The following TYR variants were observed in gnomAD, a reference collection of about 807,000 sequenced individuals.
TYR encodes LB24-AB.
A neutral mutation model predicts 51.5 loss-of-function variants in TYR; 58 were observed. The observed-to-expected ratio is 1.13, with a 90% CI of 0.91 to 1.40. The LOEUF is 1.40. Among genes scored for constraint, TYR ranks in the 40% most tolerant of loss-of-function variants. The pLI is 0.00. For missense variants in TYR, 732 were observed against 647.4 expected (o/e 1.13, Z -1.42); for synonymous variants, 263 against 235.2 (o/e 1.12, Z -1.08).
intron 3 of TYR, among the ~76,000 whole-genome samples, chr11:89,237,988 A>C (rs1944140957): frequency 6.6e-6 from 1 of 151,882 alleles, no homozygotes; most frequent in Non-Finnish European, 1.5e-5. Context: ...GGCACACACC[A>C]CCATATCTGG....
chr11:89,215,493 C>T (rs887741720), intron 2 of TYR, among the ~76,000 whole-genome samples: 6 of 151,756 alleles, frequency 4.0e-5, no homozygotes, highest in African/African-American at 1.5e-4. Context: ...TCATTGTGTA[C>T]ATCTACCCTA....
chr11:89,269,603 C>A (rs773238056), intron 3 of TYR, among the ~76,000 whole-genome samples: 2 of 151,862 alleles, frequency 1.3e-5, no homozygotes, highest in Admixed American at 6.6e-5. Context: ...ATTTTAACTG[C>A]CTTACTGATT....
intron 3 of TYR, among the ~76,000 whole-genome samples, chr11:89,242,909 C>T (rs1944217753): frequency 6.6e-6 from 1 of 152,190 alleles, no homozygotes; most frequent in Non-Finnish European, 1.5e-5. Flanking sequence ...TCAGAGAGAC[C>T]TCGACTGAGA....
chr11:89,243,568 T>G (rs1452576502), intron 3 of TYR, among the ~76,000 whole-genome samples: 2 of 152,208 alleles, frequency 1.3e-5, no homozygotes, highest in African/African-American at 4.8e-5. Context: ...CCTAGCAAGA[T>G]CTTGAATTAT....
chr11:89,187,903 A>C (rs950521029), intron 1 of TYR, among the ~76,000 whole-genome samples: 9 of 151,834 alleles, frequency 5.9e-5, no homozygotes, highest in Non-Finnish European at 1.3e-4. Flanking sequence ...AAATATATAC[A>C]CCATATTGCC....
intron 2 of TYR, among the ~76,000 whole-genome samples, chr11:89,213,982 A>G (rs1274267022): frequency 1.3e-5 from 2 of 152,240 alleles, no homozygotes; most frequent in Non-Finnish European, 2.9e-5. Context: ...CTAAAACCAT[A>G]AAAACCCTGG....
intron 3 of TYR, among the ~76,000 whole-genome samples, chr11:89,248,790 C>T (rs1944297859): frequency 6.6e-6 from 1 of 152,050 alleles, no homozygotes; most frequent in Non-Finnish European, 1.5e-5. Flanking sequence ...TTGCATTGGT[C>T]TAAATGAGAA....
chr11:89,188,033 CATT>C (rs1943398878), intron 1 of TYR, among the ~76,000 whole-genome samples: 2 of 148,514 alleles, frequency 1.3e-5, no homozygotes, highest in African/African-American at 4.9e-5. Context: ...GACAGTAAAA[CATT>C]ATATATAATA....
At chr11:89,224,486 C>T (rs963230060) in intron 2 of TYR, among the ~76,000 whole-genome samples, 7 of 152,100 alleles carry the variant, frequency 4.6e-5, no homozygotes, top group Non-Finnish European at 1.5e-5. Context: ...TTCAAAGTGG[C>T]ATAGATACAC....
At chr11:89,212,049 A>C (rs1565399514) in intron 2 of TYR, among the ~76,000 whole-genome samples, 1 of 152,230 alleles carries the variant, frequency 6.6e-6, no homozygotes, top group Non-Finnish European at 1.5e-5. Flanking sequence ...TAGAGAAGCA[A>C]GAGCAAACAC....
chr11:89,277,838 T>A (rs1192136307), intron 3 of TYR, among the ~76,000 whole-genome samples: 1 of 151,796 alleles, frequency 6.6e-6, no homozygotes, highest in Middle Eastern at 3.4e-3. Context: ...TGCGTGCATA[T>A]CCACCAACTC....
At chr11:89,253,323 A>G (rs1944351585) in intron 3 of TYR, among the ~76,000 whole-genome samples, 1 of 151,734 alleles carries the variant, frequency 6.6e-6, no homozygotes, top group Non-Finnish European at 1.5e-5. Context: ...TTTATTTAGT[A>G]TTGTTGAGTT....
At chr11:89,273,727 A>G (rs1408260021) in intron 3 of TYR, among the ~76,000 whole-genome samples, 1 of 151,948 alleles carries the variant, frequency 6.6e-6, no homozygotes, top group African/African-American at 2.4e-5. Context: ...TGTTCCACAG[A>G]CTGGGTAGCT....
chr11:89,224,712 C>G (rs1943955359), intron 2 of TYR, among the ~76,000 whole-genome samples: 1 of 152,170 alleles, frequency 6.6e-6, no homozygotes, highest in South Asian at 2.1e-4. Context: ...ATTCTCAATA[C>G]AGTCTGCTCC....
chr11:89,236,574 A>G (rs1445465794), intron 3 of TYR, among the ~76,000 whole-genome samples: 1 of 152,198 alleles, frequency 6.6e-6, no homozygotes, highest in East Asian at 1.9e-4. Flanking sequence ...ATCATTATAC[A>G]GAAAGCTAGA....
At chr11:89,193,367 A>C (rs1943472503) in intron 2 of TYR, among the ~76,000 whole-genome samples, 1 of 151,812 alleles carries the variant, frequency 6.6e-6, no homozygotes, top group Admixed American at 6.6e-5. Flanking sequence ...CAACTCAGCC[A>C]GTGGTTTTCA....
intron 3 of TYR, among the ~76,000 whole-genome samples, chr11:89,255,413 T>TA (rs1555095141): frequency 5.3e-5 from 8 of 151,602 alleles, no homozygotes; most frequent in Non-Finnish European, 1.0e-4. Flanking sequence ...ATAAATTAAA[T>TA]AAATAAAATA....
intron 3 of TYR, among the ~76,000 whole-genome samples, chr11:89,237,450 G>C (rs1003454641): frequency 1.2e-4 from 19 of 152,090 alleles, no homozygotes; most frequent in Non-Finnish European, 2.9e-5. Flanking sequence ...ACAATATATT[G>C]ATGAGCCTAT....
chr11:89,205,939 A>C (rs1253780512), intron 2 of TYR, among the ~76,000 whole-genome samples: 1 of 152,184 alleles, frequency 6.6e-6, no homozygotes, highest in African/African-American at 2.4e-5. Context: ...AATTTGAACT[A>C]GTTGAAGGAT....
Sources: gnomAD v4.1 joint callset for allele counts (sites outside exome capture counted in the v4.1 genomes callset) on GRCh38, gnomAD v4.1.1 for gene constraint, MANE v1.5 for transcripts, NCBI Gene and HGNC (gene_info 2026-07-23, HGNC 2026-07-21) for gene names.